The following SPSB1 variants were observed in gnomAD, a reference collection of about 807,000 sequenced individuals.
SPSB1 encodes SPRY domain-containing SOCS box protein 1.
SPSB1 carries 8 observed loss-of-function variants against 21.2 expected under a neutral mutation model. The ratio of observed to expected loss-of-function variants is 0.38; its 90% CI spans 0.22 to 0.68. The LOEUF (loss-of-function observed/expected upper bound fraction) is 0.68, where lower values mean the gene tolerates loss of function less well. Ranked by LOEUF, SPSB1 falls within the 30% of genes least tolerant of loss-of-function variation. The probability of loss-of-function intolerance (pLI) is 0.53; values close to 1 mark genes in which losing one functional copy is unlikely to be tolerated. For missense variants in SPSB1, 242 were observed against 377.8 expected (o/e 0.64, Z 2.98); for synonymous variants, 169 against 161.7 (o/e 1.05, Z -0.34).
intron 1 of SPSB1, among the ~76,000 whole-genome samples, chr1:9,314,492 C>A (rs1315235340): frequency 1.3e-5 from 2 of 152,168 alleles, no homozygotes; most frequent in African/African-American, 4.8e-5. Context: ...GAGATCTACA[C>A]AACAAGGCCG....
intron 1 of SPSB1, among the ~76,000 whole-genome samples, chr1:9,313,201 A>G (rs2100473215): frequency 6.6e-6 from 1 of 152,308 alleles, no homozygotes; most frequent in South Asian, 2.1e-4. Flanking sequence ...GTTCGAGACC[A>G]GCCTGACCAA....
intron 1 of SPSB1, among the ~76,000 whole-genome samples, chr1:9,318,981 T>TGAGTTCAAGACCA (rs70979731): frequency 0.74 from 112,567 of 151,604 alleles, 43,180 homozygotes; most frequent in African/African-American, 0.91. Context: ...CCTGAGGTCA[T>TGAGTTCAAGACCA]GCCTGGGCAA....
At chr1:9,303,981 G>A (rs1639372994) in intron 1 of SPSB1, among the ~76,000 whole-genome samples, 1 of 152,236 alleles carries the variant, frequency 6.6e-6, no homozygotes, top group African/African-American at 2.4e-5. Context: ...TGCCCCAGGT[G>A]TGTCTGTGAG....
At chr1:9,312,884 G>T (rs188563431) in intron 1 of SPSB1, among the ~76,000 whole-genome samples, 1 of 152,172 alleles carries the variant, frequency 6.6e-6, no homozygotes, top group East Asian at 1.9e-4. Flanking sequence ...GAGGCAGTGC[G>T]TGCCGATTGT....
intron 2 of SPSB1, among the ~76,000 whole-genome samples, chr1:9,365,084 T>C (rs1337531537): frequency 1.3e-5 from 2 of 152,240 alleles, no homozygotes; most frequent in East Asian, 3.9e-4. Context: ...CTTGAACTCC[T>C]GCCCTCAGGT....
chr1:9,347,938 T>C (rs56684759), intron 1 of SPSB1, among the ~76,000 whole-genome samples: 7,270 of 134,336 alleles, frequency 0.054, 617 homozygotes, highest in African/African-American at 0.17. Flanking sequence ...GCAGTTTCCC[T>C]GCAACTTTTT....
At chr1:9,340,614 T>C (rs1640074918) in intron 1 of SPSB1, among the ~76,000 whole-genome samples, 2 of 152,206 alleles carry the variant, frequency 1.3e-5, no homozygotes, top group Non-Finnish European at 2.9e-5. Context: ...TGGCAGCCTG[T>C]GGGGCTGGGG....
chr1:9,312,453 G>A (rs1354628266), intron 1 of SPSB1, among the ~76,000 whole-genome samples: 2 of 152,120 alleles, frequency 1.3e-5, no homozygotes, highest in South Asian at 2.1e-4. Flanking sequence ...CACGCAGTTC[G>A]CCTATTGTAA....
At chr1:9,361,417 C>G (rs1450835104) in intron 2 of SPSB1, among the ~76,000 whole-genome samples, 1 of 152,058 alleles carries the variant, frequency 6.6e-6, no homozygotes, top group Non-Finnish European at 1.5e-5. Flanking sequence ...CCCACCACCC[C>G]TGGATTCGAC....
chr1:9,336,053 A>G (rs1052163499), intron 1 of SPSB1, among the ~76,000 whole-genome samples: 1 of 151,996 alleles, frequency 6.6e-6, no homozygotes, highest in South Asian at 2.1e-4. Flanking sequence ...GTGTCTGTCC[A>G]TTTTCTTCTC....
chr1:9,309,402 C>T (rs915281214), intron 1 of SPSB1, among the ~76,000 whole-genome samples: 1 of 151,732 alleles, frequency 6.6e-6, no homozygotes, highest in Non-Finnish European at 1.5e-5. Context: ...ACTGCAGCCT[C>T]GAACTCCTGG....
chr1:9,337,238 G>T (rs1009540848), intron 1 of SPSB1, among the ~76,000 whole-genome samples: 2 of 152,064 alleles, frequency 1.3e-5, no homozygotes, highest in African/African-American at 4.8e-5. Flanking sequence ...TCTAACCCCC[G>T]GGATTAGCTC....
In SPSB1 at chr1:9,337,446, G is replaced by A. The variant is rs926798520; in HGVS notation, c.-149-18297G>A. ...ACCTAGCCAGTGAGATTGTTCACTC[G>A]TTTTAACTTTAAGGCCTCCATGGTT... On this transcript the variant is annotated intron_variant, in intron 1 of 2. Coordinates refer to ENST00000328089, the MANE Select transcript of SPSB1 (RefSeq NM_025106.4). Among the ~76,000 whole-genome samples, 16 of 151,752 alleles carry A rather than the reference G, an allele frequency of 1.1e-4. No homozygotes were observed. In the South Asian group the frequency reaches 2.3e-3, roughly 22 times the overall value.
At chr1:9,329,129 G>C (rs927780667) in intron 1 of SPSB1, among the ~76,000 whole-genome samples, 5 of 152,214 alleles carry the variant, frequency 3.3e-5, no homozygotes, top group African/African-American at 1.2e-4. Flanking sequence ...AGCCTCCCAA[G>C]GGGGAGAATT....
chr1:9,331,707 G>A (rs973176815), intron 1 of SPSB1, among the ~76,000 whole-genome samples: 3 of 152,070 alleles, frequency 2.0e-5, no homozygotes, highest in Admixed American at 6.5e-5. Context: ...CGAAGCTGCC[G>A]GATTCAGATC....
intron 1 of SPSB1, among the ~76,000 whole-genome samples, chr1:9,326,513 G>A (rs1194544886): frequency 6.6e-6 from 1 of 152,246 alleles, no homozygotes; most frequent in African/African-American, 2.4e-5. Flanking sequence ...GTCACTGTCT[G>A]CATGTGGCTG....
intron 2 of SPSB1, among the ~76,000 whole-genome samples, chr1:9,357,433 C>T (rs890293854): frequency 6.6e-6 from 1 of 152,170 alleles, no homozygotes; most frequent in Non-Finnish European, 1.5e-5. Flanking sequence ...GTTTGATCCT[C>T]AGTTGACCAA....
At chr1:9,360,514 G>A (rs560591432) in intron 2 of SPSB1, among the ~76,000 whole-genome samples, 1 of 152,282 alleles carries the variant, frequency 6.6e-6, no homozygotes, top group Admixed American at 6.5e-5. Flanking sequence ...AGGTGTCTGC[G>A]ATCAGGATGG....
rs1172571256 is a variant in SPSB1 at position 9,356,813 on chromosome 1, A to G, written c.694+228A>G. Among the ~76,000 whole-genome samples the G allele has an allele frequency of 6.6e-6, 1 of 152,246 alleles. No homozygotes were observed. The highest frequency in any genetic ancestry group is 2.4e-5 in the African/African-American group (1 of 41,468). On this transcript the variant is annotated intron_variant, in intron 2 of 2. Transcript: ENST00000328089. This position sits in a 1 kb window ranked among gnomAD's most constrained non-coding sequence, Gnocchi z 7.4. ...CATGAATGAATGGACAGATGGATGG[A>G]TGATGGATGATGAATGAATAGATGG...
Sources: gnomAD v4.1 joint callset for allele counts (sites outside exome capture counted in the v4.1 genomes callset) on GRCh38, gnomAD v4.1.1 for gene constraint, Gnocchi (gnomAD v3.1) non-coding constraint, MANE v1.5 for transcripts, NCBI Gene and HGNC (gene_info 2026-07-23, HGNC 2026-07-21) for gene names.